KHDRBS2: variants seen among roughly 807,000 people sequenced by gnomAD.
The protein encoded by KHDRBS2 is KH domain-containing, RNA-binding, signal transduction-associated protein 2.
Under a neutral mutation model 44.3 loss-of-function variants are expected in KHDRBS2, and 26 were observed. That is an observed-to-expected ratio of 0.59 (90% CI 0.43 to 0.81). The LOEUF (loss-of-function observed/expected upper bound fraction) is 0.81. Ranked by LOEUF, KHDRBS2 falls within the 40% of genes least tolerant of loss-of-function variation. KHDRBS2 has a pLI of 0.00. For missense variants in KHDRBS2, 476 were observed against 433.1 expected, an observed-to-expected ratio of 1.10 and a Z score of -0.88; for synonymous variants, 194 against 151.1, an observed-to-expected ratio of 1.28 and a Z score of -2.08.
intron 8 of KHDRBS2, among the ~76,000 whole-genome samples, chr6:61,687,082 A>G (rs1243679739): frequency 6.6e-6 from 1 of 151,724 alleles, no homozygotes; most frequent in Non-Finnish European, 1.5e-5. Context: ...TACAACATGT[A>G]TTCCCACTAT....
rs142422245 is a variant in KHDRBS2 at position 61,702,219 on chromosome 6, A to T, written c.894-4966T>A. 3.2e-3 allele frequency among the ~76,000 whole-genome samples: 486 copies of T among 151,976 alleles called. 6 individuals carry two copies. Among genetic ancestry groups the T allele is most frequent in the Admixed American group, 0.022 (335 of 15,202 alleles). Reference sequence around the variant, plus strand: ...TAGTCTCCTTTACCTTTGAGTGTCTATGTGCAGAGTGATGTTACTAATTTT... The same window carrying T: ...TAGTCTCCTTTACCTTTGAGTGTCTTTGTGCAGAGTGATGTTACTAATTTT... On this transcript the variant is annotated intron_variant, in intron 7 of 8. Transcript: ENST00000281156.
chr6:61,656,288 C>A, the KHDRBS2 span, among the ~76,000 whole-genome samples: 1 of 151,920 alleles, frequency 6.6e-6, no homozygotes, highest in Non-Finnish European at 1.5e-5. Context: ...TTATTGAGAA[C>A]CTTCTCTGGC....
chr6:61,737,929 C>T (rs1337612510), intron 6 of KHDRBS2, among the ~76,000 whole-genome samples: 1 of 151,858 alleles, frequency 6.6e-6, no homozygotes, highest in Non-Finnish European at 1.5e-5. Context: ...ATGCATTGTG[C>T]TGATGATGGT....
At position 62,075,573 on chromosome 6, in the gene KHDRBS2, G is replaced by A. The variant is rs116096458; in HGVS notation, c.220-27579C>T. Among the ~76,000 whole-genome samples the A allele has an allele frequency of 1.4e-3, 218 of 151,968 alleles. 1 individual carries two copies. Among genetic ancestry groups the A allele is most frequent in the African/African-American group, 5.1e-3 (211 of 41,500 alleles). On this transcript the variant is annotated intron_variant, in intron 2 of 8. Transcript: ENST00000281156. ...TACAATTTGCCTTTGGCACAGGATT[G>A]GGGTTTCAATGTATAAGTTACTTAT... is the stretch of plus-strand genomic sequence containing the variant.
At chr6:62,103,375 C>T (rs1345477897) in intron 2 of KHDRBS2, among the ~76,000 whole-genome samples, 4 of 152,234 alleles carry the variant, frequency 2.6e-5, no homozygotes, top group Non-Finnish European at 5.9e-5. Flanking sequence ...GTCCAGAGGG[C>T]AGTGAGGGTA....
chr6:61,782,129 C>T (rs948226829), intron 6 of KHDRBS2, among the ~76,000 whole-genome samples: 3 of 151,996 alleles, frequency 2.0e-5, no homozygotes, highest in Admixed American at 6.6e-5. Flanking sequence ...TGGGGATATT[C>T]GGGCTGTTTC....
chr6:61,559,769 C>T, the KHDRBS2 span, among the ~76,000 whole-genome samples: 29,177 of 152,068 alleles, frequency 0.19, 2,936 homozygotes, highest in African/African-American at 0.23. Context: ...GATTGCACTA[C>T]GTCTTGAAAA....
intron 1 of KHDRBS2, among the ~76,000 whole-genome samples, chr6:62,201,625 A>T (rs1207217495): frequency 6.6e-6 from 1 of 152,106 alleles, no homozygotes; most frequent in African/African-American, 2.4e-5. Context: ...CTAATTTGCA[A>T]ATTCAAAGTT....
intron 4 of KHDRBS2, among the ~76,000 whole-genome samples, chr6:61,953,852 C>T (rs888329550): frequency 1.6e-4 from 24 of 151,964 alleles, no homozygotes; most frequent in African/African-American, 5.8e-4. Context: ...GGCATGGGCC[C>T]CAGGCAAATA....
intron 6 of KHDRBS2, among the ~76,000 whole-genome samples, chr6:61,867,104 T>C (rs1797909403): frequency 6.6e-6 from 1 of 152,172 alleles, no homozygotes; most frequent in Non-Finnish European, 1.5e-5. Flanking sequence ...GGTACCAATT[T>C]ACTGTATTAG....
chr6:62,187,639 T>A (rs1043293142), intron 1 of KHDRBS2, among the ~76,000 whole-genome samples: 1 of 152,132 alleles, frequency 6.6e-6, no homozygotes, highest in African/African-American at 2.4e-5. Flanking sequence ...ACTAAATATA[T>A]TCATCATTTC....
chr6:61,739,063 C>T (rs1775791287), intron 6 of KHDRBS2, among the ~76,000 whole-genome samples: 1 of 151,800 alleles, frequency 6.6e-6, no homozygotes, highest in Admixed American at 6.6e-5. Flanking sequence ...ATTCATTAAA[C>T]CTTTTACTGA....
chr6:61,855,801 T>G (rs1796071769), intron 6 of KHDRBS2, among the ~76,000 whole-genome samples: 1 of 152,008 alleles, frequency 6.6e-6, no homozygotes. Context: ...TCTGAAGCGC[T>G]TTCAACATGG....
the KHDRBS2 span, among the ~76,000 whole-genome samples, chr6:61,592,546 T>C: frequency 6.6e-6 from 1 of 152,188 alleles, no homozygotes; most frequent in African/African-American, 2.4e-5. Flanking sequence ...TTTATTTCAC[T>C]GAAGTAGATT....
At chr6:61,767,924 T>C (rs1278653261) in intron 6 of KHDRBS2, among the ~76,000 whole-genome samples, 2 of 152,176 alleles carry the variant, frequency 1.3e-5, no homozygotes, top group Non-Finnish European at 2.9e-5. Context: ...ACACTTATGA[T>C]GTTATAATAT....
At chr6:61,836,869 T>C (rs1465165803) in intron 6 of KHDRBS2, among the ~76,000 whole-genome samples, 1 of 152,042 alleles carries the variant, frequency 6.6e-6, no homozygotes, top group African/African-American at 2.4e-5. Flanking sequence ...TTAGTTGGTG[T>C]TGACAAGAGG....
At chr6:61,610,485 C>T in the KHDRBS2 span, among the ~76,000 whole-genome samples, 1 of 152,086 alleles carries the variant, frequency 6.6e-6, no homozygotes, top group Admixed American at 6.6e-5. Context: ...TCTCTTATGG[C>T]TTTGCAACTA....
intron 2 of KHDRBS2, among the ~76,000 whole-genome samples, chr6:62,052,356 A>C (rs1020957698): frequency 6.6e-6 from 1 of 151,946 alleles, no homozygotes; most frequent in Non-Finnish European, 1.5e-5. Context: ...CAATATGTTA[A>C]GTGAAATAAG....
intron 1 of KHDRBS2, among the ~76,000 whole-genome samples, chr6:62,200,573 A>C (rs1431926078): frequency 4.6e-5 from 7 of 152,234 alleles, no homozygotes; most frequent in Non-Finnish European, 1.0e-4. Context: ...ATCATTAAAA[A>C]GTCAGGAAAC....
Sources: allele counts gnomAD v4.1 joint callset (sites outside exome capture counted in the v4.1 genomes callset), GRCh38; gene constraint gnomAD v4.1.1; transcripts MANE v1.5; gene names NCBI Gene and HGNC (gene_info 2026-07-23, HGNC 2026-07-21).